IRAG2: variants seen among roughly 807,000 people sequenced by gnomAD.
IRAG2 encodes lymphoid restricted membrane protein.
In IRAG2, 45 loss-of-function variants were observed where a neutral mutation model predicts 69.9. The ratio of observed to expected loss-of-function variants is 0.64; its 90% CI spans 0.51 to 0.83. The LOEUF is 0.83. Among genes scored for constraint, IRAG2 ranks in the 40% least tolerant of loss-of-function variants. The probability of loss-of-function intolerance (pLI) is 0.00; values close to 1 mark genes in which losing one functional copy is unlikely to be tolerated. For synonymous variants in IRAG2, 193 were observed against 202.4 expected, an observed-to-expected ratio of 0.95 and a Z score of 0.40; for missense variants, 520 against 587.0, an observed-to-expected ratio of 0.89 and a Z score of 1.18.
chr12:25,017,216 T>C (rs186678018), exon 6 of IRAG2: 6 of 1,232,146 alleles, frequency 4.9e-6, no homozygotes, highest in East Asian at 3.2e-5. Flanking sequence ...TAAGTTTAAG[T>C]TGGCTTTAGA....
intron 15 of IRAG2, among the ~76,000 whole-genome samples, chr12:25,036,883 A>C (rs1259368189): frequency 6.6e-6 from 1 of 152,180 alleles, no homozygotes; most frequent in African/African-American, 2.4e-5. Flanking sequence ...GTGAGTGTGC[A>C]GATATGTGAG....
At position 25,089,750 on chromosome 12, in the gene IRAG2, T is replaced by G. The variant is rs1208722356; in HGVS notation, c.438-13T>G. The stretch of plus-strand genomic sequence containing the variant: ...GGATTATGTTTAAATATGTTTTTTG[T>G]CTTATCCTACAGCACTTCTGCTAAT... On this transcript the variant is annotated splice_polypyrimidine_tract_variant and intron_variant, in intron 12 of 21. Coordinates refer to ENST00000556887, the MANE Select transcript of IRAG2 (RefSeq NM_001366544.2). The G allele has an allele frequency of 1.2e-6, 2 of 1,613,244 alleles. No individual in the cohort carries two copies. Among genetic ancestry groups the G allele is most frequent in the Non-Finnish European group, 1.7e-6 (2 of 1,179,858 alleles).
intron 6 of IRAG2, among the ~76,000 whole-genome samples, chr12:25,069,934 A>G (rs1237349238): frequency 6.6e-6 from 1 of 152,166 alleles, no homozygotes; most frequent in Non-Finnish European, 1.5e-5. Context: ...AGAAGAGAAT[A>G]ATGCTAAATG....
At chr12:25,074,054 T>C (rs1390620376) in intron 6 of IRAG2, among the ~76,000 whole-genome samples, 1 of 152,248 alleles carries the variant, frequency 6.6e-6, no homozygotes, top group Non-Finnish European at 1.5e-5. Context: ...GAAGACTGGC[T>C]TTATTACTTA....
intron 14 of IRAG2, chr12:25,093,910 CTCTT>C (rs1353384994): frequency 7.3e-6 from 1 of 136,658 alleles, no homozygotes; most frequent in African/African-American, 2.5e-5. Flanking sequence ...TCAGGCCACT[CTCTT>C]TCCATTTTTT....
chr12:25,033,522 G>A (rs1944684343), intron 12 of IRAG2, among the ~76,000 whole-genome samples: 1 of 152,224 alleles, frequency 6.6e-6, no homozygotes, highest in South Asian at 2.1e-4. Context: ...CATCAAAACG[G>A]TATGGACCTA....
At chr12:25,085,070 T>C (rs1002406931) in intron 10 of IRAG2, among the ~76,000 whole-genome samples, 2 of 152,220 alleles carry the variant, frequency 1.3e-5, no homozygotes, top group Non-Finnish European at 2.9e-5. Flanking sequence ...TGTCTGTGAT[T>C]CCCAAAGTCC....
chr12:25,097,150 T>C lies in IRAG2; in HGVS notation c.741+106T>C, dbSNP rs1948466600. The C allele has an allele frequency of 2.4e-5, 28 of 1,177,074 alleles. No homozygotes were observed. The South Asian group carries it at 3.6e-4, about 15-fold the overall frequency. The allele number at this position is 1,177,074 out of a possible 1,614,324, so 72.9% of individuals were successfully genotyped here. On this transcript the variant is annotated intron_variant, in intron 15 of 21. Transcript: ENST00000556887. ...TAGGAATAAGTTTTAAAAAATACTT[T>C]TGTTGTATAAGACATATGCGTTTAA...
At chr12:25,046,720 AAG>A (rs1294381994) in intron 16 of IRAG2, among the ~76,000 whole-genome samples, 1 of 152,176 alleles carries the variant, frequency 6.6e-6, no homozygotes, top group Non-Finnish European at 1.5e-5. Flanking sequence ...CATAGATTGG[AAG>A]AGATCATGTT....
At chr12:25,023,126 CAAAAAAAA>C (rs139607228) in intron 7 of IRAG2, among the ~76,000 whole-genome samples, 4 of 112,560 alleles carry the variant, frequency 3.6e-5, no homozygotes, top group East Asian at 2.5e-4. Context: ...GACTTCGTCT[CAAAAAAAA>C]AAAAAAAAAA....
chr12:25,079,496 T>C, intron 8 of IRAG2, 34 bp downstream of exon 8: 1 of 1,563,196 alleles, frequency 6.4e-7, no homozygotes, highest in Non-Finnish European at 8.8e-7. Flanking sequence ...TAAAATAGAC[T>C]GTTAGTATTA....
chr12:25,079,175 T>G, intron 6 of IRAG2, 69 bp from the exon 7 acceptor site: 1 of 1,521,324 alleles, frequency 6.6e-7, no homozygotes, highest in South Asian at 1.1e-5. Context: ...AAATGTTTGC[T>G]TAAAACAACC....
rs1055473376 is a variant in IRAG2, at chr12:25,062,804, C to T, written c.-384-16C>T. 3 of 398,790 alleles carry T rather than the reference C, an allele frequency of 7.5e-6. No individual in the cohort carries two copies. The highest frequency in any genetic ancestry group is 4.1e-5 in the African/African-American group (2 of 48,610). The allele number at this position is 398,790 out of a possible 1,614,324, so 24.7% of individuals were successfully genotyped here. On this transcript the variant is annotated splice_polypyrimidine_tract_variant and intron_variant, in intron 2 of 21. Transcript: ENST00000556887. ...CATTCTGTCTTTGAATACACTCTAC[C>T]ATTTTCTCTTGACAGAGCTTTTTAG...
At chr12:25,032,118 T>C in intron 10 of IRAG2, 1 of 398,964 alleles carries the variant, frequency 2.5e-6, no homozygotes, top group Non-Finnish European at 4.4e-6. Context: ...TTTTTTGCTA[T>C]TATTTCTCTC....
upstream of IRAG2, among the ~76,000 whole-genome samples, chr12:25,001,370 G>A (rs1944389825): frequency 6.6e-6 from 1 of 152,018 alleles, no homozygotes; most frequent in African/African-American, 2.4e-5. Context: ...GCTTGAGCCT[G>A]GGGAGTTGGA....
chr12:25,044,282 CAA>C (rs944522367), intron 16 of IRAG2, among the ~76,000 whole-genome samples: 43 of 151,158 alleles, frequency 2.8e-4, no homozygotes, highest in Admixed American at 1.6e-3. Context: ...GACACACACA[CAA>C]AGAAAGGAAT....
intron 1 of IRAG2, among the ~76,000 whole-genome samples, chr12:25,059,063 CA>C (rs1184749490): frequency 6.6e-6 from 1 of 152,170 alleles, no homozygotes; most frequent in African/African-American, 2.4e-5. Context: ...AGCAGATGGG[CA>C]ATTTAGACAA....
At chr12:25,076,585 T>G (rs1175943123) in intron 6 of IRAG2, 2 of 982,568 alleles carry the variant, frequency 2.0e-6, no homozygotes, top group Admixed American at 1.2e-4. Flanking sequence ...GAATAGAAAA[T>G]AAGAACTGCA....
chr12:25,041,868 G>A (rs1243109484), intron 16 of IRAG2, among the ~76,000 whole-genome samples: 2 of 67,970 alleles, frequency 2.9e-5, no homozygotes, highest in East Asian at 4.2e-4. Context: ...TTACTGGTTT[G>A]TGACCCATTT....
Sources: gnomAD v4.1 joint callset for allele counts (sites outside exome capture counted in the v4.1 genomes callset) on GRCh38, gnomAD v4.1.1 for gene constraint, MANE v1.5 for transcripts, NCBI Gene and HGNC (gene_info 2026-07-23, HGNC 2026-07-21) for gene names.